KCNMA1: variants seen among roughly 807,000 people sequenced by gnomAD.
The protein encoded by KCNMA1 is potassium calcium-activated channel subfamily M alpha 1.
A neutral mutation model predicts 140.0 loss-of-function variants in KCNMA1; 29 were observed. The observed-to-expected ratio is 0.21, with a 90% CI of 0.15 to 0.28. The LOEUF is 0.28. Among genes scored for constraint, KCNMA1 ranks in the 10% least tolerant of loss-of-function variants. KCNMA1 has a pLI of 1.00. For missense variants in KCNMA1, 880 were observed against 1,602.2 expected (o/e 0.55, Z 7.70); for synonymous variants, 612 against 611.9 (o/e 1.00, Z 0.00).
chr10:76,914,886 G>A (rs909092589), intron 24 of KCNMA1, 50 bp downstream of exon 24: 4 of 1,314,850 alleles, frequency 3.0e-6, no homozygotes, highest in East Asian at 2.3e-5. Context: ...ATCCTGTATG[G>A]TTTGAAAGAC....
intron 1 of KCNMA1, among the ~76,000 whole-genome samples, chr10:77,551,559 C>A (rs1318796178): frequency 6.6e-6 from 1 of 152,234 alleles, no homozygotes; most frequent in Non-Finnish European, 1.5e-5. Flanking sequence ...CACTGCTCTC[C>A]ATGTGGCCAG....
chr10:77,540,000 C>T (rs750913688), intron 1 of KCNMA1, among the ~76,000 whole-genome samples: 1 of 152,186 alleles, frequency 6.6e-6, no homozygotes, highest in Admixed American at 6.5e-5. Flanking sequence ...ATATGTTGTG[C>T]AAAAACAACT....
chr10:77,620,006 G>C (rs1319660852), intron 1 of KCNMA1, among the ~76,000 whole-genome samples: 3 of 152,138 alleles, frequency 2.0e-5, no homozygotes, highest in Admixed American at 6.5e-5. Flanking sequence ...GGTCATCTCC[G>C]CTTTTCCCAG....
intron 1 of KCNMA1, among the ~76,000 whole-genome samples, chr10:77,569,795 A>T (rs1224477734): frequency 2.0e-5 from 3 of 152,244 alleles, no homozygotes; most frequent in Non-Finnish European, 4.4e-5. Flanking sequence ...CAGAGTGAAC[A>T]GGCAACCTAC....
chr10:77,170,640 C>T (rs1027454099), intron 5 of KCNMA1, among the ~76,000 whole-genome samples: 2 of 152,178 alleles, frequency 1.3e-5, no homozygotes, highest in Admixed American at 6.5e-5. Flanking sequence ...GACCTCCCTC[C>T]GCCCCTCTCC....
At chr10:77,447,307 T>C (rs2097547236) in intron 1 of KCNMA1, among the ~76,000 whole-genome samples, 1 of 152,252 alleles carries the variant, frequency 6.6e-6, no homozygotes, top group Non-Finnish European at 1.5e-5. Context: ...CTTGTCACTC[T>C]GGCCTCTGCC....
At chr10:77,121,936 G>T (rs1297024370) in intron 5 of KCNMA1, among the ~76,000 whole-genome samples, 1 of 152,188 alleles carries the variant, frequency 6.6e-6, no homozygotes, top group Non-Finnish European at 1.5e-5. Context: ...GAGACACATT[G>T]AATGTCACAC....
rs145655332 is a variant in KCNMA1, at chr10:77,285,863, G to T, written c.541-34607C>A. Among the ~76,000 whole-genome samples the T allele has an allele frequency of 1.4e-3, 209 of 152,286 alleles. 1 individual carries two copies. Among genetic ancestry groups the T allele is most frequent in the African/African-American group, 4.9e-3 (204 of 41,542 alleles). ...TGTTATTATGCATACCTCATGGGTT[G>T]TTCAGATGATTAGATGAGATGTGTG... On this transcript the variant is annotated intron_variant, in intron 2 of 27. Coordinates refer to ENST00000286628, the MANE Select transcript of KCNMA1 (RefSeq NM_001161352.2).
chr10:77,462,992 C>A (rs1010726305), intron 1 of KCNMA1, among the ~76,000 whole-genome samples: 3 of 152,176 alleles, frequency 2.0e-5, no homozygotes, highest in Admixed American at 2.0e-4. Context: ...CTTGACTTAT[C>A]TAGGGATGGC....
intron 1 of KCNMA1, among the ~76,000 whole-genome samples, chr10:77,595,149 T>C (rs912157715): frequency 3.3e-5 from 5 of 152,026 alleles, no homozygotes; most frequent in South Asian, 4.1e-4. Context: ...AGTTCGAGAC[T>C]AGCCTGGCCA....
At chr10:77,506,567 TTCCTAGAGAGAGAGAGAGAGAGAGAGAGA>T (rs2045900060) in intron 1 of KCNMA1, among the ~76,000 whole-genome samples, 1 of 110,376 alleles carries the variant, frequency 9.1e-6, no homozygotes, top group Non-Finnish European at 1.7e-5. Context: ...AAGAGAGATG[TTCCTAGAGAGAGAGAGAGAGAGAGAGAGA>T]GTGTGTGTGT....
chr10:77,267,483 C>A (rs1232439846), intron 2 of KCNMA1, among the ~76,000 whole-genome samples: 1 of 152,162 alleles, frequency 6.6e-6, no homozygotes, highest in Non-Finnish European at 1.5e-5. Flanking sequence ...ATCCTCCTGT[C>A]TCTCAGAAAC....
At chr10:76,923,113 C>T (rs1480683115) in intron 23 of KCNMA1, among the ~76,000 whole-genome samples, 1 of 152,138 alleles carries the variant, frequency 6.6e-6, no homozygotes, top group African/African-American at 2.4e-5. Context: ...TTAGAGTTTA[C>T]ATTTTGGGTC....
At chr10:77,525,327 C>T (rs540542708) in intron 1 of KCNMA1, among the ~76,000 whole-genome samples, 1 of 152,216 alleles carries the variant, frequency 6.6e-6, no homozygotes, top group Non-Finnish European at 1.5e-5. Context: ...TATGTCCTTA[C>T]AGGTTGGAAC....
At chr10:77,580,894 T>A (rs2075684533) in intron 1 of KCNMA1, among the ~76,000 whole-genome samples, 1 of 152,202 alleles carries the variant, frequency 6.6e-6, no homozygotes, top group African/African-American at 2.4e-5. Context: ...TTTATATGCA[T>A]TATTATCTTT....
intron 3 of KCNMA1, among the ~76,000 whole-genome samples, chr10:77,229,000 T>C (rs764467406): frequency 3.9e-5 from 6 of 152,256 alleles, no homozygotes; most frequent in Non-Finnish European, 8.8e-5. Flanking sequence ...ATAGGGAATG[T>C]GTGCTTCCAT....
chr10:77,141,223 CT>C (rs888451144), intron 5 of KCNMA1, among the ~76,000 whole-genome samples: 1 of 152,142 alleles, frequency 6.6e-6, no homozygotes, highest in Non-Finnish European at 1.5e-5. Flanking sequence ...CCACCCCCTG[CT>C]TCTTTGTCCC....
chr10:77,115,442 A>G (rs1168309396), intron 6 of KCNMA1, among the ~76,000 whole-genome samples: 1 of 152,190 alleles, frequency 6.6e-6, no homozygotes, highest in Non-Finnish European at 1.5e-5. Context: ...AGGGTAAGAA[A>G]TAGATGAAGA....
chr10:77,353,970 T>TGGGGGGGGGG (rs563299513), intron 2 of KCNMA1, among the ~76,000 whole-genome samples: 1 of 92,936 alleles, frequency 1.1e-5, no homozygotes, highest in Admixed American at 1.2e-4. Flanking sequence ...CCTCTTTTTT[T>TGGGGGGGGGG]GGGGGGGGGG....
Sources: allele counts gnomAD v4.1 joint callset (sites outside exome capture counted in the v4.1 genomes callset), GRCh38; gene constraint gnomAD v4.1.1; transcripts MANE v1.5; gene names NCBI Gene and HGNC (gene_info 2026-07-23, HGNC 2026-07-21).